Variants in LMAN1L observed in about 807,000 individuals in gnomAD.
LMAN1L encodes lectin, mannose binding 1 like, also known as protein ERGIC-53-like.
LMAN1L carries 60 observed loss-of-function variants against 58.3 expected under a neutral mutation model. The observed-to-expected ratio is 1.03, with a 90% CI of 0.84 to 1.27. The LOEUF is 1.27. Among genes scored for constraint, LMAN1L ranks in the 50% most tolerant of loss-of-function variants. The probability of loss-of-function intolerance (pLI) is 0.00; values close to 1 mark genes in which losing one functional copy is unlikely to be tolerated. For missense variants in LMAN1L, 629 were observed against 674.0 expected, an observed-to-expected ratio of 0.93 and a Z score of 0.74; for synonymous variants, 280 against 271.6, an observed-to-expected ratio of 1.03 and a Z score of -0.31.
chr15:74,815,490 G>T (rs1033981273), intron 1 of LMAN1L, among the ~76,000 whole-genome samples: 4 of 152,088 alleles, frequency 2.6e-5, no homozygotes, highest in Non-Finnish European at 4.4e-5. Context: ...CCCCACCACC[G>T]CCAGTGGCAA....
chr15:74,818,834 G>T lies in LMAN1L; in HGVS notation c.597+17G>T, dbSNP rs544665765. 3.8e-6 allele frequency: 6 copies of T among 1,588,146 alleles called. No homozygotes were observed. In the South Asian group the frequency reaches 6.8e-5, roughly 18 times the overall value. On this transcript the variant is annotated intron_variant, in intron 5 of 13. Coordinates refer to ENST00000309664, the MANE Select transcript of LMAN1L (RefSeq NM_021819.3). ...AGGCTGCGCGTGAGTCACCCTTCCT[G>T]CTTCTGACAGGGCTCTGAGTTACAG...
At position 74,819,132 on chromosome 15, in the gene LMAN1L, A is replaced by C; in HGVS notation, c.598-20A>C. 1 of 1,589,614 alleles carries C rather than the reference A, an allele frequency of 6.3e-7. No individual in the cohort carries two copies. ...AGGTAGGGACACCCCCCCACTGCTC[A>C]CTCTCTCCATGTCCCTCAGATGTCC... is the stretch of plus-strand genomic sequence containing the variant. On this transcript the variant is annotated intron_variant, in intron 5 of 13. Coordinates refer to ENST00000309664, the MANE Select transcript of LMAN1L (RefSeq NM_021819.3).
At chr15:74,824,557 G>A in intron 13 of LMAN1L, 79 bp downstream of exon 13, 1 of 1,535,476 alleles carries the variant, frequency 6.5e-7, no homozygotes, top group Non-Finnish European at 9.0e-7. Context: ...ATTTAGGAGA[G>A]GGGACACTTC....
At chr15:74,820,471 A>T (rs2063911276) in intron 7 of LMAN1L, 164 bp from the exon 8 acceptor site, 2 of 865,960 alleles carry the variant, frequency 2.3e-6, no homozygotes. Context: ...CAGGGAGGGA[A>T]GATGGTGGGG....
At chr15:74,818,917 A>G (rs2063904549) in intron 5 of LMAN1L, 100 bp downstream of exon 5, 5 of 1,135,256 alleles carry the variant, frequency 4.4e-6, no homozygotes, top group Admixed American at 4.8e-5. Context: ...ACACCACGTG[A>G]GGTCCCTGGC....
chr15:74,813,351 A>T, intron 1 of LMAN1L: 1 of 497,970 alleles, frequency 2.0e-6, no homozygotes, highest in Non-Finnish European at 3.9e-6. Flanking sequence ...ATGCTCACAC[A>T]CTAAGTCCCA....
intron 3 of LMAN1L, 40 bp from the exon 4 acceptor site, chr15:74,816,592 G>A: frequency 6.2e-7 from 1 of 1,600,698 alleles, no homozygotes; most frequent in Non-Finnish European, 8.5e-7. Flanking sequence ...TCCCCCTCCC[G>A]CCATGTCCGC....
Position 74,824,387 on chromosome 15 carries a change from C to A in LMAN1L, c.1360C>A (p.Pro454Thr), listed in dbSNP as rs756762410. ...CAAGGCCCCCCGCCCACCTGGCCAG[C>A]CCCCAAGGGCCTCCTCGTGCCTGCA... ...AAKAPRPPGQPPRASSCLQPG... is the reference protein window; with the variant it reads ...AAKAPRPPGQTPRASSCLQPG... Residue 454 changes from proline to threonine, a missense_variant, in exon 13 of 14, where the codon CCC becomes ACC. By Grantham distance (38) the Pro-to-Thr change is conservative. Transcript: ENST00000309664. The A allele has an allele frequency of 8.7e-6, 14 of 1,613,580 alleles. No homozygotes were observed. The highest frequency in any genetic ancestry group is 1.0e-5 in the Non-Finnish European group (12 of 1,179,624).
At chr15:74,822,523 G>T (rs1004214984) in intron 10 of LMAN1L, 119 bp from the exon 11 acceptor site, 63 of 728,754 alleles carry the variant, frequency 8.6e-5, no homozygotes, top group Non-Finnish European at 1.2e-4. Context: ...CAAATAAGGA[G>T]GCCCTGGTAA....
At chr15:74,824,303 CCTT>C (rs1275888989) in intron 12 of LMAN1L, 45 bp from the exon 13 acceptor site, 6 of 1,588,080 alleles carry the variant, frequency 3.8e-6, no homozygotes, top group East Asian at 4.5e-5. Flanking sequence ...GTCCCCCACT[CCTT>C]CTGGGTAAGA....
intron 10 of LMAN1L, 89 bp downstream of exon 10, chr15:74,821,989 G>T: frequency 1.2e-6 from 1 of 860,832 alleles, no homozygotes; most frequent in Non-Finnish European, 1.9e-6. Flanking sequence ...ACTGGGCTGG[G>T]CCTCTGCTTC....
Position 74,823,787 on chromosome 15 carries a change from C to T in LMAN1L, c.1323+105C>T, listed in dbSNP as rs930571602. On this transcript the variant is annotated intron_variant, in intron 12 of 13. Coordinates refer to ENST00000309664, the MANE Select transcript of LMAN1L (RefSeq NM_021819.3). ...AGCCCCAAGCCCTCCTGCCTTTGCCCTCCCCTCCCAGGACTGCTGGCAAGC... is the reference window on the plus strand; with the variant it reads ...AGCCCCAAGCCCTCCTGCCTTTGCCTTCCCCTCCCAGGACTGCTGGCAAGC... 7.9e-6 allele frequency: 11 copies of T among 1,395,050 alleles called. No individual in the cohort carries two copies. The Admixed American group carries it at 1.9e-4, about 24-fold the overall frequency. The allele number at this position is 1,395,050 out of a possible 1,614,324, so 86.4% of individuals were successfully genotyped here.
intron 6 of LMAN1L, 33 bp downstream of exon 6, chr15:74,819,305 G>T: frequency 6.2e-7 from 1 of 1,607,816 alleles, no homozygotes; most frequent in South Asian, 1.1e-5. Context: ...AAGAGCAGAA[G>T]GGCAGTGATG....
intron 11 of LMAN1L, 109 bp from the exon 12 acceptor site, chr15:74,823,450 C>A: frequency 8.0e-7 from 1 of 1,255,778 alleles, no homozygotes; most frequent in African/African-American, 1.5e-5. Flanking sequence ...TGGATGGTAC[C>A]TGTTCCCCAT....
Position 74,816,472 on chromosome 15 carries a change from G to A in LMAN1L, c.376G>A (p.Gly126Arg), listed in dbSNP as rs2063891152. ...CAGGGGCCATGTAGGCTCTGTCCTT[G>A]GGGGGCTGGCTTCGTGGGACGGCAT... Reference protein sequence around the residue: ...RGRGHVGSVLGGLASWDGIGI... With the variant: ...RGRGHVGSVLRGLASWDGIGI... Residue 126 changes from glycine to arginine, a missense_variant, in exon 3 of 14, where the codon GGG becomes AGG. Around this residue, in one of 3 missense-constraint regions of LMAN1L, gnomAD observed 573 missense variants for 597.3 expected, o/e 0.96. Transcript: ENST00000309664. 6.4e-7 allele frequency: 1 copy of A among 1,552,456 alleles called. No individual in the cohort carries two copies. The highest frequency in any genetic ancestry group is 8.7e-7 in the Non-Finnish European group (1 of 1,145,640).
chr15:74,813,030 G>T lies in LMAN1L; in HGVS notation c.175+1G>T. 1 of 1,610,806 alleles carries T rather than the reference G, an allele frequency of 6.2e-7. No individual in the cohort carries two copies. Among genetic ancestry groups the T allele is most frequent in the African/African-American group, 1.3e-5 (1 of 74,948 alleles). The stretch of plus-strand genomic sequence containing the variant: ...ATACCCTTCTGGAGCCATCATGGAG[G>T]TGAGGGGCAGGGGTGGGGACCAGCT... On this transcript the variant is annotated splice_donor_variant, in intron 1 of 13. Coordinates refer to ENST00000309664, the MANE Select transcript of LMAN1L (RefSeq NM_021819.3). LOFTEE classifies it high-confidence loss of function.
At chr15:74,819,109 G>T (rs778067788) in intron 5 of LMAN1L, 43 bp from the exon 6 acceptor site, 67 of 1,565,234 alleles carry the variant, frequency 4.3e-5, no homozygotes, top group Non-Finnish European at 5.5e-5. Flanking sequence ...GGAGTCAGAG[G>T]TAGGGACACC....
At chr15:74,816,784 C>A in intron 4 of LMAN1L, 94 bp downstream of exon 4, 1 of 1,241,184 alleles carries the variant, frequency 8.1e-7, no homozygotes, top group Non-Finnish European at 1.1e-6. Context: ...CCTCCTCCAG[C>A]AGGGGGCCCA....
At chr15:74,817,134 C>A (rs2063895373) in intron 4 of LMAN1L, among the ~76,000 whole-genome samples, 1 of 152,174 alleles carries the variant, frequency 6.6e-6, no homozygotes, top group Non-Finnish European at 1.5e-5. Flanking sequence ...CTGTCCCTCC[C>A]CGGCCCTACT....
Sources: gnomAD v4.1 joint callset for allele counts (sites outside exome capture counted in the v4.1 genomes callset) on GRCh38, gnomAD v4.1.1 for gene constraint, gnomAD v4.1.1 regional missense constraint, MANE v1.5 for transcripts, NCBI Gene and HGNC (gene_info 2026-07-23, HGNC 2026-07-21) for gene names.